Variants in RBM24 observed in about 807,000 individuals in gnomAD.
The protein encoded by RBM24 is RNA binding motif protein 24.
In RBM24, 5 loss-of-function variants were observed where a neutral mutation model predicts 23.6. That is an observed-to-expected ratio of 0.21 (90% CI 0.11 to 0.45). RBM24 has a LOEUF of 0.45. Ranked by LOEUF, RBM24 falls within the 20% of genes least tolerant of loss-of-function variation. The pLI, the probability that RBM24 is intolerant of heterozygous loss-of-function variation, is 0.99. For synonymous variants in RBM24, 151 were observed against 129.5 expected (o/e 1.17, Z -1.13); for missense variants, 252 against 314.6 (o/e 0.80, Z 1.51).
At position 17,293,128 on chromosome 6, in the gene RBM24, A is replaced by G. The variant is rs1760419904; in HGVS notation, c.*1009A>G. 1 of 152,534 alleles carries G rather than the reference A, an allele frequency of 6.6e-6. No individual in the cohort carries two copies. The highest frequency in any genetic ancestry group is 1.5e-5 in the Non-Finnish European group (1 of 68,046). 9.4% of individuals were successfully genotyped at this position (152,534 alleles called of 1,614,324 possible). A position where few individuals can be genotyped will look rare whatever the true frequency, so the allele number is the denominator to read the frequency against. The stretch of plus-strand genomic sequence containing the variant: ...TATTTAAAACTATTTATTAGTGACT[A>G]CAGTACATGAGACAACAAGGTTACT... On this transcript the variant is annotated 3_prime_UTR_variant, in exon 4 of 4. Transcript: ENST00000379052.
intron 3 of RBM24, chr6:17,285,276 C>T (rs1021066240): frequency 3.9e-5 from 6 of 152,176 alleles, no homozygotes; most frequent in African/African-American, 1.4e-4. Flanking sequence ...GTGTTGATAG[C>T]TAAACTGTGT....
chr6:17,284,742 T>G (rs753221169), intron 3 of RBM24, 31 bp downstream of exon 3: 24 of 1,540,868 alleles, frequency 1.6e-5, no homozygotes, highest in Non-Finnish European at 2.1e-5. Context: ...TTCTTAAGTT[T>G]CAGTATGACT....
At position 17,281,717 on chromosome 6, in the gene RBM24, C is replaced by A. The variant is rs1364219821; in HGVS notation, c.136C>A (p.Arg46=). Reference sequence around the variant, plus strand: ...CGAGGAGGCGGTGGTCATCACCGACCGGCAGACGGGCAAGTCCCGGGGCTA... The same window carrying A: ...CGAGGAGGCGGTGGTCATCACCGACAGGCAGACGGGCAAGTCCCGGGGCTA... ...EIEEAVVITD[R]QTGKSRGYGF... is the part of the protein sequence containing the mutation. The change falls in exon 1 of 4, where the codon CGG becomes AGG. Residue 46 remains arginine (R), a synonymous_variant. Transcript: ENST00000379052. This position sits in a 1 kb window ranked among gnomAD's most constrained non-coding sequence, Gnocchi z 7.1. 2.6e-6 allele frequency: 4 copies of A among 1,551,622 alleles called. No individual in the cohort carries two copies. The African/African-American group carries it at 4.1e-5, about 16-fold the overall frequency.
At chr6:17,291,643 G>A in intron 3 of RBM24, 113 bp from the exon 4 acceptor site, 1 of 1,168,398 alleles carries the variant, frequency 8.6e-7, no homozygotes, top group South Asian at 1.5e-5. Flanking sequence ...AGTAGATATT[G>A]TGGCAACCCT....
intron 2 of RBM24, among the ~76,000 whole-genome samples, chr6:17,284,350 C>T (rs1236734249): frequency 6.6e-6 from 1 of 152,146 alleles, no homozygotes; most frequent in Non-Finnish European, 1.5e-5. Flanking sequence ...GATGTAACTT[C>T]ACTGTCAAAT....
At chr6:17,282,764 T>G in intron 1 of RBM24, 41 bp from the exon 2 acceptor site, 1 of 1,609,522 alleles carries the variant, frequency 6.2e-7, no homozygotes. Context: ...TGGGTTAATT[T>G]AGAGGTTATG....
At chr6:17,289,460 A>G in intron 3 of RBM24, 2 of 985,450 alleles carry the variant, frequency 2.0e-6, no homozygotes, top group Non-Finnish European at 2.4e-6. Flanking sequence ...ATTGTTTGAC[A>G]TTGTGAAATC....
At chr6:17,282,268 A>G (rs1760045437) in intron 1 of RBM24, 3 of 1,284,382 alleles carry the variant, frequency 2.3e-6, no homozygotes, top group South Asian at 2.5e-5. Context: ...GAACTGAAAC[A>G]GAGCATATTA....
chr6:17,282,575 A>G (rs1190527683), intron 1 of RBM24: 4 of 575,354 alleles, frequency 7.0e-6, no homozygotes, highest in African/African-American at 1.9e-5. Context: ...AGGCAGGGTT[A>G]GAGGGTTTCT....
At chr6:17,286,219 G>C (rs1760193608) in intron 3 of RBM24, among the ~76,000 whole-genome samples, 1 of 139,902 alleles carries the variant, frequency 7.1e-6, no homozygotes, top group Non-Finnish European at 1.5e-5. Context: ...CTGTGGAAGA[G>C]TCTTCTGTTC....
At chr6:17,286,247 C>T (rs1459155944) in intron 3 of RBM24, among the ~76,000 whole-genome samples, 2 of 146,142 alleles carry the variant, frequency 1.4e-5, no homozygotes, top group East Asian at 2.0e-4. Context: ...TCAGAAAGGG[C>T]CTTCCTATAT....
chr6:17,289,621 CCA>C lies in RBM24; in HGVS notation c.348-2132_348-2131del, dbSNP rs1301359502. The C allele has an allele frequency of 1.3e-5, 13 of 985,372 alleles. No individual in the cohort carries two copies. In the African/African-American group the frequency reaches 2.3e-4, roughly 17 times the overall value. 61.0% of individuals were successfully genotyped at this position (985,372 alleles called of 1,614,324 possible). A position where few individuals can be genotyped will look rare whatever the true frequency, so the allele number is the denominator to read the frequency against. Reference sequence around the variant, plus strand: ...TAATTCAGAGATACCAACCTAGCACCCACAGTGTTGTTCTTGGAACTTTGAGA... The same window carrying C: ...TAATTCAGAGATACCAACCTAGCACCCAGTGTTGTTCTTGGAACTTTGAGA... On this transcript the variant is annotated intron_variant, in intron 3 of 3. Transcript: ENST00000379052.
chr6:17,283,718 A>C (rs530163636), intron 2 of RBM24, among the ~76,000 whole-genome samples: 1 of 152,316 alleles, frequency 6.6e-6, no homozygotes, highest in East Asian at 1.9e-4. Flanking sequence ...CGCCTGGCCC[A>C]AAATGGTAAA....
rs1760413625 is a variant in RBM24 at position 17,292,867 on chromosome 6, T to C, written c.*748T>C. ...GTGCTTGTTTGATGAGCTTGTCACA[T>C]TCTAATCCCTCTCCCCATCCTGTTT... On this transcript the variant is annotated 3_prime_UTR_variant, in exon 4 of 4. Coordinates refer to ENST00000379052, the MANE Select transcript of RBM24 (RefSeq NM_001143942.2). The C allele has an allele frequency of 6.6e-6, 1 of 152,634 alleles. No individual in the cohort carries two copies. Among genetic ancestry groups the C allele is most frequent in the South Asian group, 2.1e-4 (1 of 4,834 alleles). The allele number at this position is 152,634 out of a possible 1,614,324, so 9.5% of individuals were successfully genotyped here.
chr6:17,285,236 CTTTA>C (rs1561734416), intron 3 of RBM24: 1 of 152,146 alleles, frequency 6.6e-6, no homozygotes, highest in African/African-American at 2.4e-5. Flanking sequence ...CCTTCGTGTG[CTTTA>C]TTTTATTTAT....
In RBM24 at chr6:17,292,140, T is replaced by G; in HGVS notation, c.*21T>G. The G allele has an allele frequency of 6.8e-7, 1 of 1,472,964 alleles. No individual in the cohort carries two copies. The highest frequency in any genetic ancestry group is 2.3e-5 in the East Asian group (1 of 43,430). The allele number at this position is 1,472,964 out of a possible 1,614,324, so 91.2% of individuals were successfully genotyped here. On this transcript the variant is annotated 3_prime_UTR_variant, in exon 4 of 4. Coordinates refer to ENST00000379052, the MANE Select transcript of RBM24 (RefSeq NM_001143942.2). ...AATAGACCAGCCATCTGATCAAAGT[T>G]GAATTGTTTTCTCTTTCCCTCCCAA...
At chr6:17,287,905 T>C (rs1345545852) in intron 3 of RBM24, among the ~76,000 whole-genome samples, 1 of 152,192 alleles carries the variant, frequency 6.6e-6, no homozygotes, top group African/African-American at 2.4e-5. Context: ...TGCTCAGTTT[T>C]ATGCTGGGTG....
chr6:17,283,082 A>C, intron 2 of RBM24, 154 bp downstream of exon 2: 1 of 607,518 alleles, frequency 1.6e-6, no homozygotes, highest in Non-Finnish European at 2.9e-6. Context: ...TTAAACATAA[A>C]TGAGAGTTGT....
rs1383267312 is a variant in RBM24, at chr6:17,293,617, A to T, written c.*1498A>T. On this transcript the variant is annotated 3_prime_UTR_variant, in exon 4 of 4. Coordinates refer to ENST00000379052, the MANE Select transcript of RBM24 (RefSeq NM_001143942.2). ...TGCAATACTTGCAATTTTTATTCTT[A>T]AACTAAATTGAATACTATTTTACAC... 2 of 152,606 alleles carry T rather than the reference A, an allele frequency of 1.3e-5. No individual in the cohort carries two copies. Among genetic ancestry groups the T allele is most frequent in the Non-Finnish European group, 2.9e-5 (2 of 68,022 alleles). 9.5% of individuals were successfully genotyped at this position (152,606 alleles called of 1,614,324 possible).
Sources: gnomAD v4.1 joint callset for allele counts (sites outside exome capture counted in the v4.1 genomes callset) on GRCh38, gnomAD v4.1.1 for gene constraint, Gnocchi (gnomAD v3.1) non-coding constraint, MANE v1.5 for transcripts, NCBI Gene and HGNC (gene_info 2026-07-23, HGNC 2026-07-21) for gene names.